TGFBR3: variants seen among roughly 807,000 people sequenced by gnomAD.
TGFBR3 encodes the protein transforming growth factor beta receptor 3, also known as transforming growth factor beta receptor type 3.
Under a neutral mutation model 87.9 loss-of-function variants are expected in TGFBR3, and 46 were observed. The ratio of observed to expected loss-of-function variants is 0.52; its 90% confidence interval spans 0.41 to 0.67. The LOEUF (loss-of-function observed/expected upper bound fraction) is 0.67. Among genes scored for constraint, TGFBR3 ranks in the 30% least tolerant of loss-of-function variants. The probability of loss-of-function intolerance (pLI) is 0.00; values close to 1 mark genes in which losing one functional copy is unlikely to be tolerated. For missense variants in TGFBR3, 866 were observed against 1,041.9 expected, an observed-to-expected ratio of 0.83 and a Z score of 2.32; for synonymous variants, 381 against 391.6, an observed-to-expected ratio of 0.97 and a Z score of 0.32.
chr1:91,787,317 A>T (rs970852734), intron 3 of TGFBR3, among the ~76,000 whole-genome samples: 2 of 142,810 alleles, frequency 1.4e-5, no homozygotes, highest in African/African-American at 5.2e-5. Context: ...GTAATAATTA[A>T]AAAAAAAAAA....
chr1:91,734,622 C>T (rs1269394186), intron 5 of TGFBR3, among the ~76,000 whole-genome samples, 154 bp downstream of exon 5: 6 of 152,332 alleles, frequency 3.9e-5, no homozygotes, highest in South Asian at 4.1e-4. Context: ...ATATGGGGGG[C>T]GGTGGAGAGG....
At chr1:91,700,484 T>C (rs1212984144) in intron 14 of TGFBR3, among the ~76,000 whole-genome samples, 1 of 152,210 alleles carries the variant, frequency 6.6e-6, no homozygotes, top group East Asian at 1.9e-4. Flanking sequence ...GAGTTATCAA[T>C]GTCTGGCTCT....
rs373979895 is a variant in TGFBR3, at chr1:91,720,131, C to A, written c.1175G>T (p.Arg392Leu). ...ALPALQNPPI[R>L]GGEGQNGGLP... is the part of the protein sequence containing the mutation. ...GCCTCCATTTTGGCCTTCCCCTCCC[C>A]GGATGGGCGGGTTCTGCAGGGCAGG... Residue 392 changes from arginine to leucine, a missense_variant, in exon 9 of 17, where the codon CGG becomes CTG. Transcript: ENST00000212355. 5 of 1,614,030 alleles carry A rather than the reference C, an allele frequency of 3.1e-6. No individual in the cohort carries two copies. Among genetic ancestry groups the A allele is most frequent in the East Asian group, 2.2e-5 (1 of 44,832 alleles).
intron 2 of TGFBR3, among the ~76,000 whole-genome samples, chr1:91,827,140 T>G (rs1676671972): frequency 6.6e-6 from 1 of 152,154 alleles, no homozygotes; most frequent in Admixed American, 6.5e-5. Flanking sequence ...CCTGGACTTC[T>G]AGGGAAGGTA....
chr1:91,702,450 T>TCAC (rs1295266259), intron 14 of TGFBR3, among the ~76,000 whole-genome samples: 1 of 149,590 alleles, frequency 6.7e-6, no homozygotes, highest in African/African-American at 2.5e-5. Flanking sequence ...ATCAAGACCA[T>TCAC]CCTGGCTAAC....
Position 91,712,523 on chromosome 1 carries a change from T to TCCC in TGFBR3, c.1885_1886insGGG (p.Ala628_Glu629insGly). ...TTGGATGGCAAATCCCAGTTCTTGT[T>TCCC]CAGCCTTAGTAACAGATACCTATGA... On this transcript the variant is annotated inframe_insertion, in exon 13 of 17. Coordinates refer to ENST00000212355, the MANE Select transcript of TGFBR3 (RefSeq NM_003243.5). 1 of 1,614,188 alleles carries TCCC rather than the reference T, an allele frequency of 6.2e-7. No homozygotes were observed. The highest frequency in any genetic ancestry group is 8.5e-7 in the Non-Finnish European group (1 of 1,180,022).
chr1:91,889,790 C>T (rs747539376), upstream of TGFBR3, among the ~76,000 whole-genome samples: 4 of 148,268 alleles, frequency 2.7e-5, no homozygotes, highest in Non-Finnish European at 4.5e-5. Context: ...AAGTGATTCT[C>T]ATGCCTCAGC....
At chr1:91,840,472 T>C (rs1472845437) in intron 2 of TGFBR3, among the ~76,000 whole-genome samples, 2 of 144,974 alleles carry the variant, frequency 1.4e-5, no homozygotes, top group African/African-American at 5.0e-5. Flanking sequence ...TGCATGATTT[T>C]GTAATATCAT....
chr1:91,853,115 C>T (rs763915986), intron 2 of TGFBR3, among the ~76,000 whole-genome samples: 29 of 151,468 alleles, frequency 1.9e-4, no homozygotes, highest in South Asian at 1.9e-3. Flanking sequence ...GCCATGATCG[C>T]GCCACTGCAC....
chr1:91,817,328 T>C (rs879287707), intron 2 of TGFBR3, among the ~76,000 whole-genome samples: 4 of 152,204 alleles, frequency 2.6e-5, no homozygotes, highest in Non-Finnish European at 5.9e-5. Context: ...ATATTACACA[T>C]ATTAGCACTG....
intron 4 of TGFBR3, among the ~76,000 whole-genome samples, chr1:91,741,686 G>A (rs1673162214): frequency 1.3e-5 from 2 of 152,162 alleles, no homozygotes; most frequent in South Asian, 4.1e-4. Context: ...ACACTTCAGA[G>A]ATGATGAGGG....
intron 3 of TGFBR3, among the ~76,000 whole-genome samples, chr1:91,795,517 G>A (rs1474315741): frequency 6.6e-6 from 1 of 152,188 alleles, no homozygotes; most frequent in African/African-American, 2.4e-5. Context: ...TCTTGTTTCA[G>A]TAGTCTTACT....
At chr1:91,765,158 G>A (rs1472813904) in intron 3 of TGFBR3, among the ~76,000 whole-genome samples, 1 of 151,312 alleles carries the variant, frequency 6.6e-6, no homozygotes, top group South Asian at 2.1e-4. Context: ...AAGATCGGAC[G>A]CCCTGGTTTG....
intron 2 of TGFBR3, among the ~76,000 whole-genome samples, chr1:91,831,653 C>T (rs1676861117): frequency 6.6e-6 from 1 of 152,140 alleles, no homozygotes; most frequent in Non-Finnish European, 1.5e-5. Context: ...TTATTACAGG[C>T]CAGAAGAAAC....
At chr1:91,780,976 C>A (rs1429426618) in intron 3 of TGFBR3, among the ~76,000 whole-genome samples, 1 of 151,786 alleles carries the variant, frequency 6.6e-6, no homozygotes, top group Non-Finnish European at 1.5e-5. Flanking sequence ...CTGGAGAGCT[C>A]TGGATGGCTA....
At chr1:91,777,923 A>G (rs11165480) in intron 3 of TGFBR3, among the ~76,000 whole-genome samples, 2,091 of 152,186 alleles carry the variant, frequency 0.014, 63 homozygotes, top group African/African-American at 0.048. Flanking sequence ...AGAGGCCTCC[A>G]CTCAACAAAC....
chr1:91,739,039 T>C (rs1185901136), intron 4 of TGFBR3, among the ~76,000 whole-genome samples: 1 of 152,188 alleles, frequency 6.6e-6, no homozygotes, highest in African/African-American at 2.4e-5. Flanking sequence ...GAGGTCAGTG[T>C]GGCTGGACAC....
chr1:91,827,235 TCACAACAACA>T (rs1676678414), intron 2 of TGFBR3, among the ~76,000 whole-genome samples: 1 of 152,066 alleles, frequency 6.6e-6, no homozygotes, highest in Non-Finnish European at 1.5e-5. Flanking sequence ...GTAGCAACGA[TCACAACAACA>T]GAACCAGCGG....
intron 2 of TGFBR3, among the ~76,000 whole-genome samples, chr1:91,825,310 A>C (rs1676593576): frequency 6.6e-6 from 1 of 152,272 alleles, no homozygotes. Flanking sequence ...GGCCATAAAA[A>C]GGAATGAAAT....
Sources: gnomAD v4.1 joint callset for allele counts (sites outside exome capture counted in the v4.1 genomes callset) on GRCh38, gnomAD v4.1.1 for gene constraint, MANE v1.5 for transcripts, NCBI Gene and HGNC (gene_info 2026-07-23, HGNC 2026-07-21) for gene names.